ITPR1: variants seen among roughly 807,000 people sequenced by gnomAD.
ITPR1 encodes the protein inositol 1,4,5-trisphosphate-gated calcium channel ITPR1.
Under a neutral mutation model 318.4 loss-of-function variants are expected in ITPR1, and 96 were observed. The ratio of observed to expected loss-of-function variants is 0.30; its 90% CI spans 0.26 to 0.36. The LOEUF (loss-of-function observed/expected upper bound fraction) is 0.36, where lower values mean the gene tolerates loss of function less well. Among genes scored for constraint, ITPR1 ranks in the 10% least tolerant of loss-of-function variants. The pLI, the probability that ITPR1 is intolerant of heterozygous loss-of-function variation, is 1.00. For synonymous variants in ITPR1, 1,312 were observed against 1,289.9 expected (o/e 1.02, Z -0.37); for missense variants, 2,440 against 3,460.2 (o/e 0.71, Z 7.40).
Position 4,710,658 on chromosome 3 carries a change from T to TTTTTG in ITPR1, c.4991+201_4991+205dup, listed in dbSNP as rs1417464938. On this transcript the variant is annotated intron_variant, in intron 38 of 61. Transcript: ENST00000649015. The surrounding 1 kb of genome is among the most constrained non-coding windows in gnomAD (Gnocchi z 4.2). The stretch of plus-strand genomic sequence containing the variant: ...CTATTAAATCCTGCTTACTGACACT[T>TTTTTG]TTTTGTTTTGTTTTGTTTTGCTTTG... Among the ~76,000 whole-genome samples the TTTTTG allele has an allele frequency of 4.6e-5, 7 of 152,252 alleles. No individual in the cohort carries two copies. In the South Asian group the frequency reaches 1.2e-3, roughly 27 times the overall value.
chr3:4,517,179 C>T (rs573477414), intron 3 of ITPR1, among the ~76,000 whole-genome samples: 3 of 152,174 alleles, frequency 2.0e-5, no homozygotes, highest in African/African-American at 7.2e-5. Context: ...ATAATGTACT[C>T]ATTTGATTAT....
intron 60 of ITPR1, among the ~76,000 whole-genome samples, chr3:4,821,743 A>C (rs947742197): frequency 4.6e-5 from 7 of 152,186 alleles, no homozygotes; most frequent in Non-Finnish European, 7.3e-5. Context: ...AACTGCCTAC[A>C]GACAAGGTGA....
chr3:4,811,897 G>A (rs2048963611), intron 56 of ITPR1, among the ~76,000 whole-genome samples: 1 of 152,126 alleles, frequency 6.6e-6, no homozygotes, highest in African/African-American at 2.4e-5. Flanking sequence ...AAATGTTCGG[G>A]GGTGTTTCAT....
chr3:4,754,304 C>T (rs2044787959), intron 44 of ITPR1, among the ~76,000 whole-genome samples: 1 of 152,122 alleles, frequency 6.6e-6, no homozygotes. Flanking sequence ...AAGTCACTGC[C>T]AGGTCCTCAG....
intron 12 of ITPR1, among the ~76,000 whole-genome samples, chr3:4,655,338 C>T (rs73807107): frequency 7.2e-5 from 11 of 152,104 alleles, no homozygotes; most frequent in South Asian, 2.1e-4. Flanking sequence ...TGTGCTCTGG[C>T]GGGTAGAGGG....
At chr3:4,727,072 A>C in intron 41 of ITPR1, 54 bp from the exon 42 acceptor site, 1 of 1,341,542 alleles carries the variant, frequency 7.5e-7, no homozygotes, top group South Asian at 1.2e-5. Context: ...GATGCTGCAG[A>C]TGGTAGTGTC....
chr3:4,538,191 A>C (rs1018379532), intron 4 of ITPR1, among the ~76,000 whole-genome samples: 1 of 152,312 alleles, frequency 6.6e-6, no homozygotes, highest in Non-Finnish European at 1.5e-5. Flanking sequence ...AACTTAAACA[A>C]ATTTACAAGA....
At chr3:4,688,019 T>A (rs1438133997) in intron 30 of ITPR1, among the ~76,000 whole-genome samples, 3 of 152,190 alleles carry the variant, frequency 2.0e-5, no homozygotes, top group Admixed American at 6.5e-5. Flanking sequence ...CAGCCCCAGT[T>A]CTGTTGTCAG....
chr3:4,696,595 A>C (rs539265595), intron 33 of ITPR1, among the ~76,000 whole-genome samples: 3 of 151,580 alleles, frequency 2.0e-5, no homozygotes, highest in African/African-American at 7.3e-5. Context: ...TTTTGTATAG[A>C]CACATGTTTT....
At chr3:4,674,111 G>C in intron 21 of ITPR1, 91 bp from the exon 22 acceptor site, 1 of 976,744 alleles carries the variant, frequency 1.0e-6, no homozygotes, top group Non-Finnish European at 1.5e-6. Flanking sequence ...CAAGGGTTAG[G>C]GGATGTTGAC....
chr3:4,722,771 G>A (rs2125302238), intron 40 of ITPR1, among the ~76,000 whole-genome samples: 1 of 121,988 alleles, frequency 8.2e-6, no homozygotes, highest in South Asian at 2.3e-4. Flanking sequence ...ATTATTTAGG[G>A]AACTTGCCAG....
At chr3:4,518,210 C>G (rs1221083827) in intron 3 of ITPR1, among the ~76,000 whole-genome samples, 1 of 152,168 alleles carries the variant, frequency 6.6e-6, no homozygotes, top group Non-Finnish European at 1.5e-5. Flanking sequence ...GGTTAAACCT[C>G]AACCCACTCT....
chr3:4,683,779 A>G lies in ITPR1; in HGVS notation c.3479A>G (p.Asn1160Ser). The change falls in exon 28 of 62, where the codon AAT (asparagine) becomes AGT (serine). Residue 1160 changes from asparagine (N) to serine (S), a missense_variant. Asn to Ser is a conservative substitution (Grantham distance 46). Around this residue, in one of 23 missense-constraint regions of ITPR1, gnomAD observed 86 missense variants for 75.6 expected, o/e 1.14. Transcript: ENST00000649015. ...DETMDGASGE[N>S]EHKKTEEGNN... ...ACTATGGATGGTGCATCTGGAGAAA[A>G]TGAACATAAGAAAACGGAGGTGAGT... The G allele has an allele frequency of 6.2e-7, 1 of 1,613,918 alleles. No homozygotes were observed. The highest frequency in any genetic ancestry group is 8.5e-7 in the Non-Finnish European group (1 of 1,179,820).
At chr3:4,727,356 A>G (rs1436717836) in intron 42 of ITPR1, among the ~76,000 whole-genome samples, 183 bp downstream of exon 42, 1 of 152,198 alleles carries the variant, frequency 6.6e-6, no homozygotes, top group Non-Finnish European at 1.5e-5. Flanking sequence ...CCCATTGTCT[A>G]CCTGATCAGA....
At chr3:4,791,606 C>T (rs566216705) in intron 52 of ITPR1, among the ~76,000 whole-genome samples, 1 of 152,244 alleles carries the variant, frequency 6.6e-6, no homozygotes, top group South Asian at 2.1e-4. Flanking sequence ...GGGTTGGGGA[C>T]CCCTGCTATA....
rs961779717 is a variant in ITPR1, at chr3:4,662,014, A to G, written c.1252-68A>G. 7 of 1,345,376 alleles carry G rather than the reference A, an allele frequency of 5.2e-6. No homozygotes were observed. The African/African-American group carries it at 1.0e-4, about 19-fold the overall frequency. 83.3% of individuals were successfully genotyped at this position (1,345,376 alleles called of 1,614,324 possible). A position where few individuals can be genotyped will look rare whatever the true frequency, so the allele number is the denominator to read the frequency against. On this transcript the variant is annotated intron_variant, in intron 14 of 61. Transcript: ENST00000649015. ...GGATCAGCCAGTGTCTCGTAAATGTAGTGTTTGATTAAAGTCTTATCCTTC... is the reference window on the plus strand; with the variant it reads ...GGATCAGCCAGTGTCTCGTAAATGTGGTGTTTGATTAAAGTCTTATCCTTC...
At chr3:4,552,189 C>G (rs990726635) in intron 4 of ITPR1, among the ~76,000 whole-genome samples, 1 of 152,208 alleles carries the variant, frequency 6.6e-6, no homozygotes. Context: ...AAATTCTCCC[C>G]ATCACCAAGC....
rs1451074098 is a variant in ITPR1, at chr3:4,567,700, C to CA, written c.163+46608dup. 2.0e-5 allele frequency among the ~76,000 whole-genome samples: 3 copies of CA among 152,202 alleles called. No individual in the cohort carries two copies. The East Asian group carries it at 5.8e-4, about 29-fold the overall frequency. On this transcript the variant is annotated intron_variant, in intron 4 of 61. Transcript: ENST00000649015. ...GCTCACTGCAACCTCCTCCTGGGCT[C>CA]AAGTGATCCTCCCACCTCAGCCTCA...
intron 4 of ITPR1, among the ~76,000 whole-genome samples, chr3:4,591,053 G>A (rs1284826282): frequency 6.6e-6 from 1 of 152,146 alleles, no homozygotes; most frequent in Middle Eastern, 3.2e-3. Context: ...CAAAAGACAT[G>A]ATCTCATTCT....
Sources: allele counts gnomAD v4.1 joint callset (sites outside exome capture counted in the v4.1 genomes callset), GRCh38; gene constraint gnomAD v4.1.1; regional missense constraint gnomAD v4.1.1; non-coding constraint Gnocchi (gnomAD v3.1); transcripts MANE v1.5; gene names NCBI Gene and HGNC (gene_info 2026-07-23, HGNC 2026-07-21).